PIGG: variants seen among roughly 807,000 people sequenced by gnomAD.
The protein encoded by PIGG is GPI ethanolamine phosphate transferase 2, catalytic subunit.
PIGG carries 70 observed loss-of-function variants against 83.2 expected under a neutral mutation model. The observed-to-expected ratio is 0.84, with a 90% CI of 0.69 to 1.03. PIGG has a LOEUF of 1.03. Ranked by LOEUF, PIGG falls within the 50% of genes least tolerant of loss-of-function variation. PIGG has a pLI of 0.00. For missense variants in PIGG, 1,257 were observed against 1,233.6 expected (o/e 1.02, Z -0.28); for synonymous variants, 532 against 519.5 (o/e 1.02, Z -0.33).
Position 524,272 on chromosome 4 carries a change from G to C in PIGG, c.2069+359G>C, listed in dbSNP as rs60655536. Among the ~76,000 whole-genome samples, 1,159 of 152,254 alleles carry C rather than the reference G, an allele frequency of 7.6e-3. 17 individuals are homozygous for C. Among genetic ancestry groups the C allele is most frequent in the African/African-American group, 0.026 (1,090 of 41,538 alleles). On this transcript the variant is annotated intron_variant, in intron 9 of 12. Transcript: ENST00000453061. ...CGCCTCGTCCATGCCTGGGCTGTGT[G>C]CCCCCCGCCCATCACTCAGTGTCTG...
chr4:517,052 A>G (rs566905898), intron 6 of PIGG, among the ~76,000 whole-genome samples: 16 of 152,128 alleles, frequency 1.1e-4, no homozygotes, highest in Non-Finnish European at 1.2e-4. Context: ...TGGCAAGGGC[A>G]GGGCAGAGGA....
At chr4:526,989 T>G in intron 9 of PIGG, 50 bp from the exon 10 acceptor site, 1 of 1,605,222 alleles carries the variant, frequency 6.2e-7, no homozygotes, top group South Asian at 1.1e-5. Context: ...TGTAGATTGA[T>G]CTTGTCGCTG....
rs1419119788 is a variant in PIGG at position 515,139 on chromosome 4, A to G, written c.902-834A>G. On this transcript the variant is annotated intron_variant, in intron 5 of 12. Transcript: ENST00000453061. This position sits in a 1 kb window ranked among gnomAD's most constrained non-coding sequence, Gnocchi z 4.2. ...CCCCAGACTCACACCTGAGTATCTAAAGACACCTCACGCACCACCTATCCT... is the reference window on the plus strand; with the variant it reads ...CCCCAGACTCACACCTGAGTATCTAGAGACACCTCACGCACCACCTATCCT... Among the ~76,000 whole-genome samples, 1 of 152,230 alleles carries G rather than the reference A, an allele frequency of 6.6e-6. No homozygotes were observed. Among genetic ancestry groups the G allele is most frequent in the Non-Finnish European group, 1.5e-5 (1 of 68,040 alleles).
chr4:522,083 C>A, intron 8 of PIGG, 142 bp downstream of exon 8: 4 of 859,804 alleles, frequency 4.7e-6, no homozygotes, highest in South Asian at 1.4e-5. Flanking sequence ...GACAGGGGGC[C>A]TCAGGGAAGG....
intron 6 of PIGG, among the ~76,000 whole-genome samples, chr4:517,981 A>G (rs879281776): frequency 1.1e-4 from 16 of 152,206 alleles, no homozygotes; most frequent in Non-Finnish European, 1.8e-4. Flanking sequence ...GAGGGATACT[A>G]TTACTACCAA....
chr4:508,715 T>G, intron 4 of PIGG, 114 bp from the exon 5 acceptor site: 1 of 896,602 alleles, frequency 1.1e-6, no homozygotes, highest in Non-Finnish European at 1.8e-6. Flanking sequence ...ATCTAATTCA[T>G]TGAGAAAGAG....
chr4:533,796 C>T (rs1486423758), intron 11 of PIGG, 22 bp from the exon 12 acceptor site: 1 of 1,612,102 alleles, frequency 6.2e-7, no homozygotes, highest in African/African-American at 1.3e-5. Flanking sequence ...AGGCCTTTGT[C>T]AGCTCTTCTC....
In PIGG at chr4:528,394, A is replaced by G. The variant is rs958844850; in HGVS notation, c.2261+1164A>G. On this transcript the variant is annotated intron_variant, in intron 10 of 12. Transcript: ENST00000453061. This position sits in a 1 kb window ranked among gnomAD's most constrained non-coding sequence, Gnocchi z 4.8. ...TTTCTAATCACAGCAAGTCAAGGTGACTGCTGAGGGCTGTGGCCAGCCTGA... is the reference window on the plus strand; with the variant it reads ...TTTCTAATCACAGCAAGTCAAGGTGGCTGCTGAGGGCTGTGGCCAGCCTGA... 14 of 985,038 alleles carry G rather than the reference A, an allele frequency of 1.4e-5. No individual in the cohort carries two copies. Among genetic ancestry groups the G allele is most frequent in the South Asian group, 4.7e-5 (1 of 21,276 alleles). 61.0% of individuals were successfully genotyped at this position (985,038 alleles called of 1,614,324 possible). A position where few individuals can be genotyped will look rare whatever the true frequency, so the allele number is the denominator to read the frequency against.
At chr4:521,626 G>A in intron 7 of PIGG, 34 bp from the exon 8 acceptor site, 2 of 1,604,228 alleles carry the variant, frequency 1.2e-6, no homozygotes, top group East Asian at 2.2e-5. Context: ...TCCAAGCCCA[G>A]CAGTCTGTGG....
intron 5 of PIGG, among the ~76,000 whole-genome samples, chr4:512,657 G>A (rs189883023): frequency 2.1e-3 from 322 of 151,648 alleles, no homozygotes; most frequent in African/African-American, 7.4e-3. Context: ...TCTACTAAAA[G>A]TACAAAAATT....
rs559995692 is a variant in PIGG at position 499,277 on chromosome 4, C to A, written c.-59C>A. 76 of 1,569,608 alleles carry A rather than the reference C, an allele frequency of 4.8e-5. No homozygotes were observed. The African/African-American group carries it at 8.1e-4, about 17-fold the overall frequency. ...CGGCTACCTGGAGCCGGAAGCGCGG[C>A]TGCAGCAGGGCGAGGCTCCAGGTGG... On this transcript the variant is annotated 5_prime_UTR_variant, in exon 1 of 13. In the 5' UTR this introduces an upstream ATG that the reference lacks. Transcript: ENST00000453061.
intron 5 of PIGG, among the ~76,000 whole-genome samples, chr4:511,578 A>G (rs1357742891): frequency 1.3e-5 from 2 of 152,228 alleles, no homozygotes; most frequent in Non-Finnish European, 2.9e-5. Context: ...TGTATGTTAT[A>G]AACTGATGGC....
rs369146029 is a variant in PIGG, at chr4:508,931, C to G, written c.862C>G (p.Pro288Ala). Reference sequence around the variant, plus strand: ...CTCCTCCACCGAGGAGGTGAATACACCTCTGATTTTAATCAGTTCTGCGTT... The same window carrying G: ...CTCCTCCACCGAGGAGGTGAATACAGCTCTGATTTTAATCAGTTCTGCGTT... Reference protein sequence around the residue: ...GASSTEEVNTPLILISSAFER... With the variant: ...GASSTEEVNTALILISSAFER... Residue 288 changes from proline to alanine, a missense_variant, in exon 5 of 13, where the codon CCT becomes GCT. By Grantham distance (27) the Pro-to-Ala change is conservative (BLOSUM62 -1). Coordinates refer to ENST00000453061, the MANE Select transcript of PIGG (RefSeq NM_001127178.3). The G allele has an allele frequency of 2.5e-6, 4 of 1,613,604 alleles. No individual in the cohort carries two copies. The African/African-American group carries it at 4.0e-5, about 16-fold the overall frequency.
At chr4:520,068 G>T (rs989647352) in intron 6 of PIGG, among the ~76,000 whole-genome samples, 2 of 152,192 alleles carry the variant, frequency 1.3e-5, no homozygotes, top group Non-Finnish European at 2.9e-5. Context: ...TCAGGGACTT[G>T]TGCCACAGCA....
chr4:513,106 G>C (rs1247944786), intron 5 of PIGG, among the ~76,000 whole-genome samples: 1 of 152,200 alleles, frequency 6.6e-6, no homozygotes, highest in South Asian at 2.1e-4. Flanking sequence ...TCTTACCAAG[G>C]CCTAGTGGAT....
chr4:521,880 T>A lies in PIGG; in HGVS notation c.1553T>A (p.Leu518Gln). The change falls in exon 8 of 13, where the codon CTG (leucine) becomes CAG (glutamine). Residue 518 changes from leucine to glutamine, a missense_variant. Transcript: ENST00000453061. ...AGGVMVLASA[L>Q]LCVIVSVLTN... ...GGGGTGATGGTGCTGGCCTCGGCGCTGCTGTGTGTGATTGTGTCTGTTCTG... is the reference window on the plus strand; with the variant it reads ...GGGGTGATGGTGCTGGCCTCGGCGCAGCTGTGTGTGATTGTGTCTGTTCTG... 1 of 1,614,188 alleles carries A rather than the reference T, an allele frequency of 6.2e-7. No individual in the cohort carries two copies. The highest frequency in any genetic ancestry group is 8.5e-7 in the Non-Finnish European group (1 of 1,180,032).
At chr4:500,758 C>A (rs568946397) in intron 2 of PIGG, among the ~76,000 whole-genome samples, 157 bp downstream of exon 2, 15 of 152,254 alleles carry the variant, frequency 9.9e-5, no homozygotes, top group African/African-American at 3.6e-4. Flanking sequence ...GAGCCTCACA[C>A]GGGATGGAAC....
intron 6 of PIGG, among the ~76,000 whole-genome samples, chr4:517,180 G>A (rs1222484326): frequency 1.3e-5 from 2 of 152,128 alleles, no homozygotes; most frequent in South Asian, 2.1e-4. Context: ...TTGCATTTTC[G>A]AAGGCTGTCT....
At chr4:518,784 C>T (rs1367651702) in intron 6 of PIGG, among the ~76,000 whole-genome samples, 4 of 152,020 alleles carry the variant, frequency 2.6e-5, no homozygotes, top group Non-Finnish European at 4.4e-5. Flanking sequence ...CCCCTGGCGG[C>T]CCATTGTCTA....
Sources: allele counts gnomAD v4.1 joint callset (sites outside exome capture counted in the v4.1 genomes callset), GRCh38; gene constraint gnomAD v4.1.1; non-coding constraint Gnocchi (gnomAD v3.1); transcripts MANE v1.5; gene names NCBI Gene and HGNC (gene_info 2026-07-23, HGNC 2026-07-21).